ROS1: variants seen among roughly 807,000 people sequenced by gnomAD.
ROS1 encodes ROS proto-oncogene 1, receptor tyrosine kinase.
Under a neutral mutation model 273.5 loss-of-function variants are expected in ROS1, and 263 were observed. That is an observed-to-expected ratio of 0.96 (90% CI 0.87 to 1.06). The LOEUF is 1.06. Among genes scored for constraint, ROS1 ranks in the 50% least tolerant of loss-of-function variants. The pLI, the probability that ROS1 is intolerant of heterozygous loss-of-function variation, is 0.00. For synonymous variants in ROS1, 1,008 were observed against 954.1 expected (o/e 1.06, Z -1.04); for missense variants, 2,833 against 2,751.1 (o/e 1.03, Z -0.67).
At chr6:117,364,387 G>T (rs368003517) in intron 21 of ROS1, among the ~76,000 whole-genome samples, 9 of 152,152 alleles carry the variant, frequency 5.9e-5, no homozygotes, top group East Asian at 5.8e-4. Flanking sequence ...GTAGTGAAAA[G>T]TCCAGATTAA....
At chr6:117,291,270 A>T (rs1285538515) in intron 43 of ROS1, among the ~76,000 whole-genome samples, 1 of 152,152 alleles carries the variant, frequency 6.6e-6, no homozygotes, top group Non-Finnish European at 1.5e-5. Flanking sequence ...TAGTTTGATG[A>T]TATTCCCTGT....
Position 117,397,220 on chromosome 6 carries a change from G to A in ROS1, c.605-104C>T, listed in dbSNP as rs961664470. The A allele has an allele frequency of 2.7e-5, 20 of 749,388 alleles. No homozygotes were observed. In the South Asian group the frequency reaches 3.6e-4, roughly 14 times the overall value. The allele number at this position is 749,388 out of a possible 1,614,324, so 46.4% of individuals were successfully genotyped here. ...TGTTTTTTTTTTTGAAAACTTAATG[G>A]AAACGAAATAATTTTATTAATACTC... On this transcript the variant is annotated intron_variant, in intron 7 of 43. Coordinates refer to ENST00000368507, the MANE Select transcript of ROS1 (RefSeq NM_001378902.1).
chr6:117,320,090 G>T, intron 36 of ROS1, 60 bp from the exon 37 acceptor site: 1 of 1,446,848 alleles, frequency 6.9e-7, no homozygotes, highest in Non-Finnish European at 9.6e-7. Flanking sequence ...GTACAAGTTT[G>T]TGTTGGTATT....
intron 43 of ROS1, among the ~76,000 whole-genome samples, chr6:117,298,076 T>C (rs921830449): frequency 2.0e-5 from 3 of 152,120 alleles, no homozygotes; most frequent in African/African-American, 4.8e-5. Flanking sequence ...GCAACATGGA[T>C]GAAACTGGAG....
At chr6:117,308,319 T>C (rs975791579) in intron 42 of ROS1, among the ~76,000 whole-genome samples, 1 of 152,160 alleles carries the variant, frequency 6.6e-6, no homozygotes, top group Non-Finnish European at 1.5e-5. Context: ...GTATAATTTT[T>C]AGTAATACTA....
intron 18 of ROS1, among the ~76,000 whole-genome samples, chr6:117,367,853 C>A (rs1003039959): frequency 6.6e-6 from 1 of 152,100 alleles, no homozygotes; most frequent in African/African-American, 2.4e-5. Context: ...CATGACCCCA[C>A]CACCCCAAAA....
At chr6:117,326,443 T>C in intron 33 of ROS1, 29 bp from the exon 34 acceptor site, 4 of 1,298,116 alleles carry the variant, frequency 3.1e-6, no homozygotes, top group South Asian at 2.9e-5. Flanking sequence ...ACAGAAAATA[T>C]ACATGACAAT....
intron 32 of ROS1, among the ~76,000 whole-genome samples, chr6:117,332,809 C>A (rs1251154482): frequency 6.6e-6 from 1 of 152,082 alleles, no homozygotes; most frequent in Non-Finnish European, 1.5e-5. Context: ...AGAACAGAGA[C>A]AATGTACCAG....
intron 13 of ROS1, among the ~76,000 whole-genome samples, chr6:117,388,238 T>C (rs764907968): frequency 6.6e-6 from 1 of 152,194 alleles, no homozygotes; most frequent in Non-Finnish European, 1.5e-5. Context: ...TGTCCTTCAG[T>C]CAAAGCTATA....
At chr6:117,392,206 C>T (rs574684571) in intron 12 of ROS1, among the ~76,000 whole-genome samples, 1 of 152,286 alleles carries the variant, frequency 6.6e-6, no homozygotes, top group East Asian at 1.9e-4. Context: ...TTCCATAATT[C>T]AGTAATTCAT....
At chr6:117,403,716 G>A (rs1209752218) in intron 6 of ROS1, among the ~76,000 whole-genome samples, 1 of 152,006 alleles carries the variant, frequency 6.6e-6, no homozygotes, top group African/African-American at 2.4e-5. Context: ...TGACTAATGA[G>A]GTGAATGGTT....
chr6:117,305,565 C>CT (rs34540508), intron 42 of ROS1, among the ~76,000 whole-genome samples: 1 of 152,070 alleles, frequency 6.6e-6, no homozygotes, highest in African/African-American at 2.4e-5. Flanking sequence ...TATATAAACC[C>CT]TTTCTGTTCC....
chr6:117,369,958 T>C (rs1253968018), intron 18 of ROS1, among the ~76,000 whole-genome samples: 2 of 152,226 alleles, frequency 1.3e-5, no homozygotes, highest in Non-Finnish European at 2.9e-5. Flanking sequence ...TACATGCATA[T>C]ACACATATGT....
At chr6:117,399,780 TTC>T (rs1158937785) in intron 7 of ROS1, among the ~76,000 whole-genome samples, 1 of 152,182 alleles carries the variant, frequency 6.6e-6, no homozygotes, top group Non-Finnish European at 1.5e-5. Flanking sequence ...CCAATATATG[TTC>T]TGTTTTTAAA....
intron 34 of ROS1, among the ~76,000 whole-genome samples, chr6:117,325,234 A>C (rs1384697598): frequency 6.6e-6 from 1 of 152,178 alleles, no homozygotes; most frequent in Non-Finnish European, 1.5e-5. Context: ...TCAGGTAAGC[A>C]TTATGATGAG....
chr6:117,311,267 T>C (rs987899940), intron 39 of ROS1, 150 bp from the exon 40 acceptor site: 7 of 468,214 alleles, frequency 1.5e-5, no homozygotes, highest in African/African-American at 1.0e-4. Context: ...TTATAAGAAT[T>C]CAAACAAAGA....
chr6:117,313,927 C>G (rs112494207), intron 39 of ROS1, among the ~76,000 whole-genome samples: 1 of 152,048 alleles, frequency 6.6e-6, no homozygotes, highest in Admixed American at 6.6e-5. Context: ...GCGAAGGAGA[C>G]GAAGCCCTGG....
chr6:117,349,632 G>C (rs986291919), intron 27 of ROS1, among the ~76,000 whole-genome samples: 3 of 151,814 alleles, frequency 2.0e-5, no homozygotes, highest in African/African-American at 7.3e-5. Flanking sequence ...TGTTGCCCTT[G>C]TTCTTTGTTC....
intron 42 of ROS1, among the ~76,000 whole-genome samples, chr6:117,307,347 A>G (rs1437664470): frequency 2.6e-5 from 4 of 152,170 alleles, no homozygotes; most frequent in Non-Finnish European, 5.9e-5. Context: ...GCCAGATAAC[A>G]TTCTAACAGC....
Sources: allele counts gnomAD v4.1 joint callset (sites outside exome capture counted in the v4.1 genomes callset), GRCh38; gene constraint gnomAD v4.1.1; transcripts MANE v1.5; gene names NCBI Gene and HGNC (gene_info 2026-07-23, HGNC 2026-07-21).